PLCXD3: variants seen among roughly 807,000 people sequenced by gnomAD.
PLCXD3 encodes the protein phosphatidylinositol specific phospholipase C X domain containing 3, also known as PI-PLC X domain-containing protein 3.
PLCXD3 carries 19 observed loss-of-function variants against 25.5 expected under a neutral mutation model. The observed-to-expected ratio is 0.75, with a 90% confidence interval of 0.52 to 1.09. The LOEUF (loss-of-function observed/expected upper bound fraction) is 1.09. Ranked by LOEUF, PLCXD3 falls within the 50% of genes least tolerant of loss-of-function variation. The pLI is 0.00. For synonymous variants in PLCXD3, 174 were observed against 137.6 expected (o/e 1.26, Z -1.85); for missense variants, 411 against 388.1 (o/e 1.06, Z -0.50).
chr5:41,322,288 A>G (rs1405514789), intron 2 of PLCXD3, among the ~76,000 whole-genome samples: 2 of 152,260 alleles, frequency 1.3e-5, no homozygotes, highest in African/African-American at 2.4e-5. Flanking sequence ...ACATTTCTCA[A>G]AAGAAGACAT....
At chr5:41,421,440 G>T (rs747512718) in intron 1 of PLCXD3, among the ~76,000 whole-genome samples, 1 of 152,086 alleles carries the variant, frequency 6.6e-6, no homozygotes, top group Non-Finnish European at 1.5e-5. Flanking sequence ...GGTGGCTCAC[G>T]CCTGTAATCC....
intron 1 of PLCXD3, among the ~76,000 whole-genome samples, chr5:41,491,453 C>T: frequency 6.6e-6 from 1 of 152,196 alleles, no homozygotes; most frequent in Non-Finnish European, 1.5e-5. Context: ...ATTAGGTCCA[C>T]TTGGTGCAGA....
At position 41,312,075 on chromosome 5, in the gene PLCXD3, G is replaced by A. The variant is rs1743146604; in HGVS notation, c.*1542C>T. ...ATATTCCTGTGAAGTACATAGGCAAGGATTATTGTGCTCTAAGTTTTTTTT... is the reference window on the plus strand; with the variant it reads ...ATATTCCTGTGAAGTACATAGGCAAAGATTATTGTGCTCTAAGTTTTTTTT... On this transcript the variant is annotated 3_prime_UTR_variant, in exon 3 of 3. Coordinates refer to ENST00000377801, the MANE Select transcript of PLCXD3 (RefSeq NM_001005473.3). The A allele has an allele frequency of 6.6e-6, 1 of 151,486 alleles. No homozygotes were observed. Among genetic ancestry groups the A allele is most frequent in the Non-Finnish European group, 1.5e-5 (1 of 67,962 alleles). 9.4% of individuals were successfully genotyped at this position (151,486 alleles called of 1,614,324 possible).
chr5:41,372,277 TTCTC>T (rs745662352), intron 2 of PLCXD3, among the ~76,000 whole-genome samples: 97 of 129,434 alleles, frequency 7.5e-4, no homozygotes, highest in Non-Finnish European at 9.5e-4. Context: ...TATGTATTCA[TTCTC>T]TCTCTCTCTC....
rs1299508018 is a variant in PLCXD3 at position 41,312,172 on chromosome 5, T to C, written c.*1445A>G. 1 of 152,520 alleles carries C rather than the reference T, an allele frequency of 6.6e-6. No homozygotes were observed. The highest frequency in any genetic ancestry group is 1.9e-4 in the East Asian group (1 of 5,184). 9.4% of individuals were successfully genotyped at this position (152,520 alleles called of 1,614,324 possible). A position where few individuals can be genotyped will look rare whatever the true frequency, so the allele number is the denominator to read the frequency against. On this transcript the variant is annotated 3_prime_UTR_variant, in exon 3 of 3. Transcript: ENST00000377801. ...AGTAACGCTCAAGCTGTGTCATTGT[T>C]CTTCCCTGTAGACCCGGACTATTAA...
At chr5:41,419,964 C>T (rs1249757105) in intron 1 of PLCXD3, among the ~76,000 whole-genome samples, 1 of 152,100 alleles carries the variant, frequency 6.6e-6, no homozygotes, top group Non-Finnish European at 1.5e-5. Context: ...TAAATAATTC[C>T]ATGTTAGAGG....
At chr5:41,461,777 G>A (rs1057206627) in intron 1 of PLCXD3, among the ~76,000 whole-genome samples, 10 of 151,888 alleles carry the variant, frequency 6.6e-5, no homozygotes, top group African/African-American at 9.7e-5. Context: ...GCAGTATCAC[G>A]GTCAGAACTC....
chr5:41,459,449 G>A (rs977000701), intron 1 of PLCXD3, among the ~76,000 whole-genome samples: 3 of 151,766 alleles, frequency 2.0e-5, no homozygotes, highest in African/African-American at 7.3e-5. Flanking sequence ...ATGCCACAAT[G>A]AATAAATACT....
intron 1 of PLCXD3, among the ~76,000 whole-genome samples, chr5:41,411,213 T>G (rs900113527): frequency 2.0e-5 from 3 of 152,232 alleles, no homozygotes; most frequent in Non-Finnish European, 4.4e-5. Context: ...ACCTTTGTTC[T>G]TGTATGTCTG....
At chr5:41,506,709 C>T (rs1183242514) in intron 1 of PLCXD3, among the ~76,000 whole-genome samples, 1 of 152,172 alleles carries the variant, frequency 6.6e-6, no homozygotes, top group African/African-American at 2.4e-5. Flanking sequence ...AACAGAGACT[C>T]AGAGCTGTTT....
intron 2 of PLCXD3, among the ~76,000 whole-genome samples, chr5:41,348,484 C>T (rs1744363568): frequency 6.6e-6 from 1 of 152,100 alleles, no homozygotes; most frequent in African/African-American, 2.4e-5. Context: ...CAATAGGTAG[C>T]ACTCTAGCTT....
At chr5:41,397,922 G>C (rs962698377) in intron 1 of PLCXD3, among the ~76,000 whole-genome samples, 1 of 152,134 alleles carries the variant, frequency 6.6e-6, no homozygotes, top group African/African-American at 2.4e-5. Flanking sequence ...TCTCCCTTTT[G>C]GAATGGGAGG....
At position 41,492,777 on chromosome 5, in the gene PLCXD3, C is replaced by T. The variant is rs189067129; in HGVS notation, c.103+17647G>A. The stretch of plus-strand genomic sequence containing the variant: ...TAGTTCTCGAGCCTTGGCTTTCAGC[C>T]CCATCAGCTCCTTTAAGCACTTCTC... On this transcript the variant is annotated intron_variant, in intron 1 of 2. Transcript: ENST00000377801. Among the ~76,000 whole-genome samples the T allele has an allele frequency of 4.6e-5, 7 of 152,308 alleles. No individual in the cohort carries two copies. In the East Asian group the frequency reaches 1.3e-3, roughly 29 times the overall value.
At chr5:41,464,918 T>C (rs1156578452) in intron 1 of PLCXD3, among the ~76,000 whole-genome samples, 1 of 152,008 alleles carries the variant, frequency 6.6e-6, no homozygotes, top group East Asian at 1.9e-4. Context: ...ATTCAATGTA[T>C]ATTATGTTTT....
rs150097763 is a variant in PLCXD3, at chr5:41,402,606, T to C, written c.104-20072A>G. Reference sequence around the variant, plus strand: ...TGGTTGATAATGTGCAAGTCTTCCATATCTCTATTAATTTTCTATCTGTTT... The same window carrying C: ...TGGTTGATAATGTGCAAGTCTTCCACATCTCTATTAATTTTCTATCTGTTT... On this transcript the variant is annotated intron_variant, in intron 1 of 2. Coordinates refer to ENST00000377801, the MANE Select transcript of PLCXD3 (RefSeq NM_001005473.3). Among the ~76,000 whole-genome samples the C allele has an allele frequency of 8.0e-4, 121 of 152,018 alleles. 2 individuals carry two copies. Among genetic ancestry groups the C allele is most frequent in the Middle Eastern group, 7.4e-3 (2 of 270 alleles).
chr5:41,440,655 G>A (rs1044102314), intron 1 of PLCXD3, among the ~76,000 whole-genome samples: 2 of 152,036 alleles, frequency 1.3e-5, no homozygotes, highest in African/African-American at 4.8e-5. Flanking sequence ...AGGAGTGTGT[G>A]GCATATAATA....
intron 1 of PLCXD3, among the ~76,000 whole-genome samples, chr5:41,405,681 A>T (rs940489362): frequency 7.2e-5 from 11 of 152,172 alleles, no homozygotes; most frequent in African/African-American, 2.2e-4. Context: ...TCCATTGTTC[A>T]CATGAGATAT....
intron 1 of PLCXD3, among the ~76,000 whole-genome samples, chr5:41,474,990 G>A (rs2150521135): frequency 6.6e-6 from 1 of 152,300 alleles, no homozygotes; most frequent in South Asian, 2.1e-4. Flanking sequence ...GTCAAAGCTA[G>A]CATTTCTGCA....
chr5:41,423,413 G>C (rs1450371318), intron 1 of PLCXD3, among the ~76,000 whole-genome samples: 1 of 151,844 alleles, frequency 6.6e-6, no homozygotes, highest in African/African-American at 2.4e-5. Context: ...CAAGTATATT[G>C]GCACAAAGTA....
Sources: gnomAD v4.1 joint callset for allele counts (sites outside exome capture counted in the v4.1 genomes callset) on GRCh38, gnomAD v4.1.1 for gene constraint, MANE v1.5 for transcripts, NCBI Gene and HGNC (gene_info 2026-07-23, HGNC 2026-07-21) for gene names.